The following TBC1D21 variants were observed in gnomAD, a reference collection of about 807,000 sequenced individuals.
The protein encoded by TBC1D21 is male germ cell Rab GTPase-activating protein.
Under a neutral mutation model 46.0 loss-of-function variants are expected in TBC1D21, and 38 were observed. The observed-to-expected ratio is 0.83, with a 90% confidence interval of 0.64 to 1.08. The LOEUF is 1.08. TBC1D21 is among the 50% of genes least tolerant of loss of function. TBC1D21 has a pLI of 0.00. For missense variants in TBC1D21, 415 were observed against 417.9 expected (o/e 0.99, Z 0.06); for synonymous variants, 151 against 157.2 (o/e 0.96, Z 0.29).
chr15:73,885,562 C>T (rs1317372417), intron 6 of TBC1D21, among the ~76,000 whole-genome samples: 1 of 152,134 alleles, frequency 6.6e-6, no homozygotes, highest in South Asian at 2.1e-4. Flanking sequence ...GGCTCCCTCA[C>T]TGTCCAAGTT....
rs1482301173 is a variant in TBC1D21 at position 73,887,714 on chromosome 15, T to C, written c.872T>C (p.Met291Thr). 1.2e-6 allele frequency: 2 copies of C among 1,613,580 alleles called. No individual in the cohort carries two copies. Among genetic ancestry groups the C allele is most frequent in the Non-Finnish European group, 1.7e-6 (2 of 1,179,822 alleles). The change falls in exon 9 of 11, where the codon ATG becomes ACG. Residue 291 changes from methionine (M) to threonine (T), a missense_variant. Coordinates refer to ENST00000300504, the MANE Select transcript of TBC1D21 (RefSeq NM_153356.3). The part of the protein sequence containing the change: ...MVREQVLQES[M>T]GGDDILLACN... ...CGGGAGCAGGTGCTGCAGGAAAGCA[T>C]GGGCGGGGATGACATCCTCCTGGTG...
At chr15:73,896,124 C>T in the TBC1D21 span, among the ~76,000 whole-genome samples, 11 of 89,438 alleles carry the variant, frequency 1.2e-4, no homozygotes, top group Admixed American at 1.0e-3. Flanking sequence ...TGAAAATGGG[C>T]TTGGAGGAGA....
chr15:73,887,811 A>G (rs2068278148), intron 9 of TBC1D21, 75 bp downstream of exon 9: 1 of 1,312,844 alleles, frequency 7.6e-7, no homozygotes, highest in Middle Eastern at 2.5e-4. Context: ...CAGCTGAAAG[A>G]CCGGGGTTCA....
Position 73,886,505 on chromosome 15 carries a change from C to T in TBC1D21, c.677-7C>T, listed in dbSNP as rs757754961. 24 of 1,613,042 alleles carry T rather than the reference C, an allele frequency of 1.5e-5. No homozygotes were observed. The highest frequency in any genetic ancestry group is 2.7e-5 in the African/African-American group (2 of 74,896). The stretch of plus-strand genomic sequence containing the variant: ...CCTGACCACAGCCTCACCTTCTCTC[C>T]CCACAGAAGGGAAGGGTGCAGGGGC... On this transcript the variant is annotated splice_polypyrimidine_tract_variant and splice_region_variant and intron_variant, in intron 7 of 10. Transcript: ENST00000300504.
chr15:73,884,056 TG>T, intron 3 of TBC1D21, 94 bp from the exon 4 acceptor site: 1 of 1,019,884 alleles, frequency 9.8e-7, no homozygotes, highest in African/African-American at 1.6e-5. Context: ...GGTGCTGCCC[TG>T]GATCTGCCTG....
downstream of TBC1D21, among the ~76,000 whole-genome samples, chr15:73,889,805 A>G (rs978644251): frequency 6.6e-6 from 1 of 152,228 alleles, no homozygotes; most frequent in Non-Finnish European, 1.5e-5. Context: ...GCCCTTGGCC[A>G]GGCAGTCAGT....
At chr15:73,906,532 G>A in the TBC1D21 span, among the ~76,000 whole-genome samples, 1 of 152,188 alleles carries the variant, frequency 6.6e-6, no homozygotes, top group Non-Finnish European at 1.5e-5. Flanking sequence ...CAAGGTACAC[G>A]GAGGAGGAAG....
At chr15:73,875,982 TGGTGTGCATGTAGA>T (rs56049402) in intron 1 of TBC1D21, among the ~76,000 whole-genome samples, 62,801 of 151,794 alleles carry the variant, frequency 0.41, 14,242 homozygotes, top group Middle Eastern at 0.59. Context: ...GGCAGGTAGG[TGGTGTGCATGTAGA>T]GAGAGGGCTT....
At chr15:73,906,249 G>A in the TBC1D21 span, among the ~76,000 whole-genome samples, 2 of 152,224 alleles carry the variant, frequency 1.3e-5, no homozygotes, top group Admixed American at 6.5e-5. Flanking sequence ...TCTTGAAGGA[G>A]CTGGGTAGGC....
chr15:73,873,638 C>A lies in TBC1D21; in HGVS notation c.-72C>A. 1 of 1,525,834 alleles carries A rather than the reference C, an allele frequency of 6.6e-7. No homozygotes were observed. 94.5% of individuals were successfully genotyped at this position (1,525,834 alleles called of 1,614,324 possible). ...TCCTCCTGGGAATGCAACCCATCTC[C>A]GAAAAGGATTAAGCATCACTAGGGC... On this transcript the variant is annotated 5_prime_UTR_variant, in exon 1 of 11. Coordinates refer to ENST00000300504, the MANE Select transcript of TBC1D21 (RefSeq NM_153356.3).
chr15:73,879,066 T>C (rs1435311383), intron 1 of TBC1D21, among the ~76,000 whole-genome samples: 1 of 152,220 alleles, frequency 6.6e-6, no homozygotes, highest in Non-Finnish European at 1.5e-5. Flanking sequence ...CTATTTTGGT[T>C]CAGATGACAG....
chr15:73,887,727 C>T lies in TBC1D21; in HGVS notation c.885C>T (p.Asp295=). The T allele has an allele frequency of 1.2e-6, 2 of 1,613,452 alleles. No homozygotes were observed. Among genetic ancestry groups the T allele is most frequent in the Non-Finnish European group, 1.7e-6 (2 of 1,179,710 alleles). ...TGCAGGAAAGCATGGGCGGGGATGACATCCTCCTGGTGAGAGCACCCTCGG... is the reference window on the plus strand; with the variant it reads ...TGCAGGAAAGCATGGGCGGGGATGATATCCTCCTGGTGAGAGCACCCTCGG... The part of the protein sequence containing the change: ...QVLQESMGGD[D]ILLACNNLID... Residue 295 remains aspartate (D), a synonymous_variant, in exon 9 of 11, where the codon GAC becomes GAT. Transcript: ENST00000300504.
At chr15:73,899,970 C>T in the TBC1D21 span, among the ~76,000 whole-genome samples, 1 of 152,164 alleles carries the variant, frequency 6.6e-6, no homozygotes, top group African/African-American at 2.4e-5. Flanking sequence ...AGGTGGGCAG[C>T]CCAGGAGTCC....
At chr15:73,902,866 G>T in the TBC1D21 span, among the ~76,000 whole-genome samples, 1 of 152,206 alleles carries the variant, frequency 6.6e-6, no homozygotes, top group Non-Finnish European at 1.5e-5. Flanking sequence ...ATCAGTGCAG[G>T]CTGGGATGCC....
downstream of TBC1D21, among the ~76,000 whole-genome samples, chr15:73,891,418 T>C (rs997676574): frequency 2.0e-5 from 3 of 152,198 alleles, no homozygotes; most frequent in Admixed American, 2.0e-4. Context: ...ACTGCCATGA[T>C]GCCAGCTGCA....
At chr15:73,883,067 AACGG>A (rs2068182207) in intron 3 of TBC1D21, among the ~76,000 whole-genome samples, 1 of 152,190 alleles carries the variant, frequency 6.6e-6, no homozygotes, top group Non-Finnish European at 1.5e-5. Flanking sequence ...CCATCAGAGG[AACGG>A]ACTCCTTTGG....
chr15:73,898,880 A>AAAAAAAAAAATATATATATAT, the TBC1D21 span, among the ~76,000 whole-genome samples: 14 of 56,788 alleles, frequency 2.5e-4, no homozygotes, highest in Non-Finnish European at 4.5e-4. Context: ...AAAAAAAAAA[A>AAAAAAAAAAATATATATATAT]ATATATATAT....
downstream of TBC1D21, among the ~76,000 whole-genome samples, chr15:73,893,079 G>A (rs932819499): frequency 3.3e-5 from 5 of 152,106 alleles, no homozygotes; most frequent in African/African-American, 1.2e-4. Context: ...ACTGGTGGTG[G>A]TGATGATAGT....
intron 10 of TBC1D21, 116 bp from the exon 11 acceptor site, chr15:73,888,953 T>C: frequency 3.3e-6 from 4 of 1,225,488 alleles, no homozygotes; most frequent in Non-Finnish European, 4.7e-6. Flanking sequence ...ATTCCCTGTG[T>C]CCATCCCAGT....
Sources: gnomAD v4.1 joint callset for allele counts (sites outside exome capture counted in the v4.1 genomes callset) on GRCh38, gnomAD v4.1.1 for gene constraint, MANE v1.5 for transcripts, NCBI Gene and HGNC (gene_info 2026-07-23, HGNC 2026-07-21) for gene names.